EPHB1: variants seen among roughly 807,000 people sequenced by gnomAD.
The protein encoded by EPHB1 is ephrin type-B receptor 1.
Under a neutral mutation model 94.4 loss-of-function variants are expected in EPHB1, and 30 were observed. The ratio of observed to expected loss-of-function variants is 0.32; its 90% CI spans 0.24 to 0.43. EPHB1 has a LOEUF of 0.43. EPHB1 is among the 20% of genes least tolerant of loss of function. The probability of loss-of-function intolerance (pLI) is 1.00; values close to 1 mark genes in which losing one functional copy is unlikely to be tolerated. For missense variants in EPHB1, 1,055 were observed against 1,308.3 expected (o/e 0.81, Z 2.99); for synonymous variants, 522 against 489.1 (o/e 1.07, Z -0.89).
At chr3:134,887,167 G>T (rs754522782) in intron 1 of EPHB1, among the ~76,000 whole-genome samples, 2 of 152,160 alleles carry the variant, frequency 1.3e-5, no homozygotes, top group Non-Finnish European at 2.9e-5. Flanking sequence ...GTAGGGTTGG[G>T]AGCTCCAAAC....
intron 3 of EPHB1, among the ~76,000 whole-genome samples, chr3:135,058,327 G>A (rs1401751470): frequency 1.3e-5 from 2 of 152,184 alleles, no homozygotes; most frequent in Non-Finnish European, 2.9e-5. Context: ...ATGGCGGCCC[G>A]CCTGGCAGGT....
intron 3 of EPHB1, among the ~76,000 whole-genome samples, chr3:134,990,262 A>G (rs1054880238): frequency 3.3e-5 from 5 of 152,156 alleles, no homozygotes; most frequent in African/African-American, 1.2e-4. Flanking sequence ...TATTTATTCT[A>G]TTTGCTGGCT....
intron 5 of EPHB1, among the ~76,000 whole-genome samples, chr3:135,152,299 A>T (rs1941218760): frequency 6.6e-6 from 1 of 152,264 alleles, no homozygotes; most frequent in Non-Finnish European, 1.5e-5. Context: ...TAACTTTCAA[A>T]TAAAGATCGG....
At chr3:134,884,620 C>A (rs1173991319) in intron 1 of EPHB1, among the ~76,000 whole-genome samples, 2 of 152,158 alleles carry the variant, frequency 1.3e-5, no homozygotes, top group Non-Finnish European at 2.9e-5. Context: ...CATAAATAAG[C>A]AACAGGATAA....
In EPHB1 at chr3:135,154,156, C is replaced by T. The variant is rs1413828218; in HGVS notation, c.1302C>T (p.Pro434=). The T allele has an allele frequency of 9.9e-6, 16 of 1,613,990 alleles. No individual in the cohort carries two copies. Among genetic ancestry groups the T allele is most frequent in the Middle Eastern group, 1.6e-4 (1 of 6,062 alleles). Residue 434 remains proline (P), a synonymous_variant, in exon 6 of 16, where the codon CCC becomes CCT. Transcript: ENST00000398015. ...TGTTTCTTTCTCTCTCCACAGCCCCCTCCACCGTTCCCATCATGCACCAAG... is the reference window on the plus strand; with the variant it reads ...TGTTTCTTTCTCTCTCCACAGCCCCTTCCACCGTTCCCATCATGCACCAAG... ...SVNITTNQAA[P]STVPIMHQVS...
chr3:135,241,836 T>C (rs1312196941), intron 13 of EPHB1, among the ~76,000 whole-genome samples: 1 of 152,184 alleles, frequency 6.6e-6, no homozygotes, highest in Non-Finnish European at 1.5e-5. Context: ...CACTCTTCTA[T>C]GATCCCATAT....
chr3:135,071,304 T>A lies in EPHB1; in HGVS notation c.806-35144T>A, dbSNP rs114792937. ...ATCAGGGGAGACTGGACCCAGGTAATTTTAAGTTTAGGCTGAGAGCAGTAA... is the reference window on the plus strand; with the variant it reads ...ATCAGGGGAGACTGGACCCAGGTAAATTTAAGTTTAGGCTGAGAGCAGTAA... On this transcript the variant is annotated intron_variant, in intron 3 of 15. Transcript: ENST00000398015. Among the ~76,000 whole-genome samples the A allele has an allele frequency of 4.4e-3, 673 of 152,316 alleles. 6 individuals are homozygous for A. Among genetic ancestry groups the A allele is most frequent in the African/African-American group, 0.015 (640 of 41,574 alleles).
intron 3 of EPHB1, among the ~76,000 whole-genome samples, chr3:135,033,763 C>G (rs960626584): frequency 3.9e-5 from 6 of 152,134 alleles, no homozygotes; most frequent in African/African-American, 1.4e-4. Flanking sequence ...TGAGAGACAA[C>G]CAGGAAATGA....
In EPHB1 at chr3:135,260,161, A is replaced by G. The variant is rs1380219443; in HGVS notation, c.*1041A>G. 1 of 233,132 alleles carries G rather than the reference A, an allele frequency of 4.3e-6. No individual in the cohort carries two copies. Among genetic ancestry groups the G allele is most frequent in the African/African-American group, 2.2e-5 (1 of 45,340 alleles). The allele number at this position is 233,132 out of a possible 1,614,324, so 14.4% of individuals were successfully genotyped here. On this transcript the variant is annotated 3_prime_UTR_variant, in exon 16 of 16. Coordinates refer to ENST00000398015, the MANE Select transcript of EPHB1 (RefSeq NM_004441.5). ...ATTAATTATTCCTGATAACATCTCA[A>G]GAAAAGGAGAAGGAAAGTGTTTCTG...
intron 2 of EPHB1, among the ~76,000 whole-genome samples, chr3:134,933,048 T>A (rs985185996): frequency 1.3e-5 from 2 of 152,156 alleles, no homozygotes; most frequent in African/African-American, 4.8e-5. Context: ...CAAAACCCAC[T>A]CTTGAAGGAT....
intron 3 of EPHB1, among the ~76,000 whole-genome samples, chr3:135,058,782 A>G (rs952910446): frequency 2.0e-5 from 3 of 152,210 alleles, no homozygotes; most frequent in Non-Finnish European, 4.4e-5. Context: ...TTCTGCAGAA[A>G]GGGATTCATG....
chr3:135,180,581 C>T (rs1411152372), intron 10 of EPHB1, among the ~76,000 whole-genome samples: 16 of 152,140 alleles, frequency 1.1e-4, no homozygotes, highest in Non-Finnish European at 2.4e-4. Flanking sequence ...AATGTGTGTG[C>T]CCTCATCCAT....
chr3:135,058,298 G>A (rs1057473816), intron 3 of EPHB1, among the ~76,000 whole-genome samples: 3 of 152,198 alleles, frequency 2.0e-5, no homozygotes, highest in African/African-American at 4.8e-5. Context: ...ATCTGCTATG[G>A]GACATGCTGT....
In EPHB1 at chr3:135,096,951, C is replaced by G. The variant is rs577032226; in HGVS notation, c.806-9497C>G. Among the ~76,000 whole-genome samples, 21 of 152,042 alleles carry G rather than the reference C, an allele frequency of 1.4e-4. No individual in the cohort carries two copies. The East Asian group carries it at 4.1e-3, about 29-fold the overall frequency. On this transcript the variant is annotated intron_variant, in intron 3 of 15. Coordinates refer to ENST00000398015, the MANE Select transcript of EPHB1 (RefSeq NM_004441.5). ...TCTCTACTTAAAAAACAAAAGTTAG[C>G]CAGGTGTGGTGACACATGCCTGTAG...
chr3:135,035,402 T>C (rs569248539), intron 3 of EPHB1, among the ~76,000 whole-genome samples: 1 of 152,264 alleles, frequency 6.6e-6, no homozygotes, highest in East Asian at 1.9e-4. Flanking sequence ...GTAGACTTGC[T>C]TGGGGGAAAA....
intron 1 of EPHB1, among the ~76,000 whole-genome samples, chr3:134,914,324 A>G (rs1377111335): frequency 6.6e-6 from 1 of 152,248 alleles, no homozygotes; most frequent in Non-Finnish European, 1.5e-5. Flanking sequence ...AGGCTGCAAT[A>G]GGTGCTTGGT....
chr3:135,064,708 T>A (rs963358085), intron 3 of EPHB1, among the ~76,000 whole-genome samples: 2 of 152,064 alleles, frequency 1.3e-5, no homozygotes, highest in Non-Finnish European at 2.9e-5. Flanking sequence ...TTCATTTAAT[T>A]CTGCTCTGAT....
At position 135,179,943 on chromosome 3, in the gene EPHB1, G is replaced by T. The variant is rs778632279; in HGVS notation, c.1843G>T (p.Asp615Tyr). The T allele has an allele frequency of 8.1e-6, 13 of 1,613,974 alleles. No individual in the cohort carries two copies. In the South Asian group the frequency reaches 1.3e-4, roughly 16 times the overall value. The part of the protein sequence containing the change: ...EAVREFAKEI[D>Y]VSFVKIEEVI... ...TGTCCGGGAGTTTGCCAAGGAGATT[G>T]ATGTATCTTTTGTGAAAATTGAAGA... Residue 615 changes from aspartate to tyrosine, a missense_variant, in exon 10 of 16, where the codon GAT becomes TAT. Physicochemically the swap from Asp to Tyr is radical, Grantham distance 160. Coordinates refer to ENST00000398015, the MANE Select transcript of EPHB1 (RefSeq NM_004441.5).
chr3:135,173,698 C>G (rs1173958300), intron 9 of EPHB1, among the ~76,000 whole-genome samples: 6 of 152,204 alleles, frequency 3.9e-5, no homozygotes, highest in African/African-American at 1.2e-4. Flanking sequence ...CTTCAGCCTT[C>G]CTGCTACCAC....
Sources: gnomAD v4.1 joint callset for allele counts (sites outside exome capture counted in the v4.1 genomes callset) on GRCh38, gnomAD v4.1.1 for gene constraint, MANE v1.5 for transcripts, NCBI Gene and HGNC (gene_info 2026-07-23, HGNC 2026-07-21) for gene names.